The following TNRC6B variants were observed in gnomAD, a reference collection of about 807,000 sequenced individuals.
The protein encoded by TNRC6B is trinucleotide repeat-containing gene 6B protein.
Under a neutral mutation model 203.6 loss-of-function variants are expected in TNRC6B, and 52 were observed. The observed-to-expected ratio is 0.26, with a 90% confidence interval of 0.20 to 0.32. TNRC6B has a LOEUF of 0.32. Ranked by LOEUF, TNRC6B falls within the 10% of genes least tolerant of loss-of-function variation. The probability of loss-of-function intolerance (pLI) is 1.00; values close to 1 mark genes in which losing one functional copy is unlikely to be tolerated. For synonymous variants in TNRC6B, 838 were observed against 845.7 expected (o/e 0.99, Z 0.16); for missense variants, 1,923 against 2,286.2 (o/e 0.84, Z 3.24).
intron 3 of TNRC6B, among the ~76,000 whole-genome samples, chr22:40,149,927 G>A (rs1357397990): frequency 2.0e-5 from 3 of 151,992 alleles, no homozygotes; most frequent in Non-Finnish European, 2.9e-5. Context: ...GCCTCCCAAA[G>A]TGTTGGAATT....
chr22:40,266,129 G>A lies in TNRC6B; in HGVS notation c.1899G>A (p.Val633=). The change falls in exon 5 of 23, where the codon GTG becomes GTA. Residue 633 remains valine (V), a synonymous_variant. Coordinates refer to ENST00000454349, the MANE Select transcript of TNRC6B (RefSeq NM_001162501.2). ...AAACTCAAATTAAGCAGGACACAGT[G>A]TGGGACATTGAAGAGGTGCCAAGGC... ...WGQTQIKQDT[V]WDIEEVPRPE... 1 of 1,613,964 alleles carries A rather than the reference G, an allele frequency of 6.2e-7. No individual in the cohort carries two copies. Among genetic ancestry groups the A allele is most frequent in the South Asian group, 1.1e-5 (1 of 91,086 alleles).
chr22:40,124,119 T>C (rs1278244767), intron 2 of TNRC6B, among the ~76,000 whole-genome samples: 1 of 152,104 alleles, frequency 6.6e-6, no homozygotes, highest in African/African-American at 2.4e-5. Flanking sequence ...AACAAGACCT[T>C]GCTAGGTGGG....
At chr22:40,206,049 A>G (rs2069473483) in intron 1 of TNRC6B, among the ~76,000 whole-genome samples, 1 of 152,242 alleles carries the variant, frequency 6.6e-6, no homozygotes, top group Non-Finnish European at 1.5e-5. Context: ...TCAACTGTAC[A>G]GTGAGCTTCA....
At chr22:40,238,853 T>A (rs1258545417) in intron 1 of TNRC6B, among the ~76,000 whole-genome samples, 1 of 152,202 alleles carries the variant, frequency 6.6e-6, no homozygotes, top group Non-Finnish European at 1.5e-5. Flanking sequence ...GGGATGTAAG[T>A]CACATGAGAG....
chr22:40,310,790 A>G (rs988849300), intron 16 of TNRC6B, 27 bp from the exon 17 acceptor site: 1 of 1,594,762 alleles, frequency 6.3e-7, no homozygotes, highest in Non-Finnish European at 8.5e-7. Flanking sequence ...GTTATTCTGG[A>G]TGATTTAATT....
At chr22:40,126,002 A>G (rs1294733468) in intron 3 of TNRC6B, 2 of 878,688 alleles carry the variant, frequency 2.3e-6, no homozygotes, top group Non-Finnish European at 3.3e-6. Flanking sequence ...ATTGAGAAAT[A>G]TTTTTTCTTT....
chr22:40,056,486 A>G (rs969264901), intron 1 of TNRC6B, among the ~76,000 whole-genome samples: 1 of 152,176 alleles, frequency 6.6e-6, no homozygotes, highest in African/African-American at 2.4e-5. Flanking sequence ...TGAGAAGGCA[A>G]CACCTTTAAG....
chr22:40,129,895 A>G (rs1036308843), intron 3 of TNRC6B, among the ~76,000 whole-genome samples: 1 of 152,302 alleles, frequency 6.6e-6, no homozygotes, highest in South Asian at 2.1e-4. Context: ...TACTTTGTAC[A>G]TGTTTTAAAT....
In TNRC6B at chr22:40,177,946, G is replaced by A; in HGVS notation, c.-190G>A. On this transcript the variant is annotated 5_prime_UTR_variant, in exon 1 of 23. Transcript: ENST00000454349. ...CTTTAGAGACAGAGAGGGAGAGAGAGAGCAAGAGGGAGAGTGTGTGAGAGA... is the reference window on the plus strand; with the variant it reads ...CTTTAGAGACAGAGAGGGAGAGAGAAAGCAAGAGGGAGAGTGTGTGAGAGA... 2.1e-6 allele frequency: 3 copies of A among 1,400,914 alleles called. No individual in the cohort carries two copies. Among genetic ancestry groups the A allele is most frequent in the Non-Finnish European group, 2.8e-6 (3 of 1,082,244 alleles). 86.8% of individuals were successfully genotyped at this position (1,400,914 alleles called of 1,614,324 possible).
chr22:40,310,001 T>C (rs1016209203), intron 16 of TNRC6B, among the ~76,000 whole-genome samples: 1 of 152,212 alleles, frequency 6.6e-6, no homozygotes, highest in Non-Finnish European at 1.5e-5. Context: ...GTAAAATTCA[T>C]TTGAGAAATA....
At chr22:40,241,686 T>C (rs2070030890) in intron 1 of TNRC6B, among the ~76,000 whole-genome samples, 1 of 152,196 alleles carries the variant, frequency 6.6e-6, no homozygotes, top group Admixed American at 6.5e-5. Context: ...TTGATTAAGG[T>C]GGTATCTTGA....
chr22:40,322,912 C>T lies in TNRC6B; in HGVS notation c.5173C>T (p.Arg1725Cys), dbSNP rs1465113964. 11 of 1,613,830 alleles carry T rather than the reference C, an allele frequency of 6.8e-6. No individual in the cohort carries two copies. In the Admixed American group the frequency reaches 1.2e-4, roughly 17 times the overall value. Residue 1725 changes from arginine (R) to cysteine (C), a missense_variant, in exon 23 of 23, where the codon CGC (arginine) becomes TGC (cysteine). Arg to Cys is a radical substitution (Grantham distance 180). This residue lies in a region of TNRC6B where 34 missense variants were observed against 98.5 expected (regional missense o/e 0.35). Transcript: ENST00000454349. ...GTTTGCCACTGATGATGAAGTCAGC[C>T]GCTTTCTGGCACAAGCTCAGCCCCC... ...AEFATDDEVS[R>C]FLAQAQPPTP...
At chr22:40,076,012 A>G (rs2068009960) in intron 1 of TNRC6B, among the ~76,000 whole-genome samples, 1 of 152,210 alleles carries the variant, frequency 6.6e-6, no homozygotes, top group South Asian at 2.1e-4. Context: ...AGTATTTTCC[A>G]TTTACCCACA....
intron 1 of TNRC6B, among the ~76,000 whole-genome samples, chr22:40,211,916 C>T (rs2069569236): frequency 6.6e-6 from 1 of 152,206 alleles, no homozygotes; most frequent in Non-Finnish European, 1.5e-5. Context: ...TGTGCTGCTT[C>T]CTAACTCCTC....
chr22:40,054,078 G>A (rs571286685), intron 1 of TNRC6B, among the ~76,000 whole-genome samples: 122 of 152,220 alleles, frequency 8.0e-4, no homozygotes, highest in African/African-American at 2.9e-3. Flanking sequence ...TTAGCTGGGC[G>A]TGGTGGTGCC....
chr22:40,273,328 T>C, intron 6 of TNRC6B, 97 bp from the exon 7 acceptor site: 1 of 1,200,322 alleles, frequency 8.3e-7, no homozygotes, highest in South Asian at 1.7e-5. Flanking sequence ...TAGATAAAAT[T>C]ACAAAGACAC....
intron 1 of TNRC6B, among the ~76,000 whole-genome samples, chr22:40,179,145 G>A (rs1248128889): frequency 6.6e-6 from 1 of 152,194 alleles, no homozygotes; most frequent in Non-Finnish European, 1.5e-5. Context: ...CCCTGAAGCT[G>A]TGCAGTGCCT....
At chr22:40,148,529 G>A (rs367807576) in intron 3 of TNRC6B, among the ~76,000 whole-genome samples, 3 of 151,978 alleles carry the variant, frequency 2.0e-5, no homozygotes, top group Non-Finnish European at 4.4e-5. Context: ...TGATCTGCCC[G>A]CCTTGCCCCC....
At chr22:40,139,084 TAGC>T (rs2068623932) in intron 3 of TNRC6B, among the ~76,000 whole-genome samples, 1 of 152,180 alleles carries the variant, frequency 6.6e-6, no homozygotes, top group Admixed American at 6.6e-5. Flanking sequence ...CTGTATCCAT[TAGC>T]AGTCACTCTC....
Sources: gnomAD v4.1 joint callset for allele counts (sites outside exome capture counted in the v4.1 genomes callset) on GRCh38, gnomAD v4.1.1 for gene constraint, gnomAD v4.1.1 regional missense constraint, MANE v1.5 for transcripts, NCBI Gene and HGNC (gene_info 2026-07-23, HGNC 2026-07-21) for gene names.